The following EFTUD2 variants were observed in gnomAD, a reference collection of about 807,000 sequenced individuals.
EFTUD2 encodes the protein elongation factor Tu GTP binding domain containing 2.
In EFTUD2, 9 loss-of-function variants were observed where a neutral mutation model predicts 114.3. The observed-to-expected ratio is 0.08, with a 90% CI of 0.05 to 0.14. EFTUD2 has a LOEUF of 0.14. Ranked by LOEUF, EFTUD2 falls within the 10% of genes least tolerant of loss-of-function variation. The pLI is 1.00. For synonymous variants in EFTUD2, 449 were observed against 462.3 expected (o/e 0.97, Z 0.37); for missense variants, 765 against 1,241.2 (o/e 0.62, Z 5.76).
At chr17:44,876,216 C>T (rs771719110) in intron 9 of EFTUD2, 116 bp from the exon 10 acceptor site, 37 of 1,224,122 alleles carry the variant, frequency 3.0e-5, no homozygotes, top group Middle Eastern at 2.9e-4. Context: ...AAAAAGACCT[C>T]GGGAAATATT....
chr17:44,852,285 A>T, intron 26 of EFTUD2, 124 bp downstream of exon 26: 1 of 1,227,670 alleles, frequency 8.1e-7, no homozygotes, highest in Non-Finnish European at 1.1e-6. Context: ...TATGCTCCCC[A>T]GAGGAGGACT....
At chr17:44,867,688 A>G in intron 13 of EFTUD2, 119 bp downstream of exon 13, 1 of 747,720 alleles carries the variant, frequency 1.3e-6, no homozygotes, top group Non-Finnish European at 1.9e-6. Flanking sequence ...ACCAACAACC[A>G]CCCTTATACT....
rs776271665 is a variant in EFTUD2 at position 44,857,165 on chromosome 17, A to G, written c.1963-8T>C. On this transcript the variant is annotated splice_region_variant and splice_polypyrimidine_tract_variant and intron_variant, in intron 19 of 27. Coordinates refer to ENST00000426333, the MANE Select transcript of EFTUD2 (RefSeq NM_004247.4). ...GACAACTGGGTCAGCCACCTGGGAAACAGAAAATAAATTACTGAAGCGAGG... is the reference window on the plus strand; with the variant it reads ...GACAACTGGGTCAGCCACCTGGGAAGCAGAAAATAAATTACTGAAGCGAGG... The G allele has an allele frequency of 6.2e-7, 1 of 1,613,414 alleles. No individual in the cohort carries two copies. Among genetic ancestry groups the G allele is most frequent in the East Asian group, 2.2e-5 (1 of 44,856 alleles).
chr17:44,851,410 C>T (rs1019138899), intron 27 of EFTUD2, 41 bp from the exon 28 acceptor site: 21 of 1,524,958 alleles, frequency 1.4e-5, no homozygotes, highest in African/African-American at 4.1e-5. Flanking sequence ...CCGAGGTGGT[C>T]GCAGACTAAG....
rs1413422454 is a variant in EFTUD2, at chr17:44,893,224, G to A, written c.105+1193C>T. Among the ~76,000 whole-genome samples, 9 of 151,990 alleles carry A rather than the reference G, an allele frequency of 5.9e-5. No homozygotes were observed. In the East Asian group the frequency reaches 1.7e-3, roughly 30 times the overall value. On this transcript the variant is annotated intron_variant, in intron 2 of 27. Coordinates refer to ENST00000426333, the MANE Select transcript of EFTUD2 (RefSeq NM_004247.4). ...TGCAACCTCCGCCTCCCGTGTTCAA[G>A]TGATTTTCCTGCCTCGGCCTTCCAA...
chr17:44,891,036 C>A (rs913147421), intron 2 of EFTUD2, among the ~76,000 whole-genome samples: 16 of 152,168 alleles, frequency 1.1e-4, no homozygotes, highest in Admixed American at 5.9e-4. Flanking sequence ...GTCACCAGGG[C>A]AAACCGAGTA....
intron 9 of EFTUD2, among the ~76,000 whole-genome samples, chr17:44,877,174 C>A (rs528652299): frequency 8.6e-5 from 13 of 151,914 alleles, no homozygotes; most frequent in African/African-American, 2.9e-4. Context: ...CCAGCCTGGG[C>A]CAGAGGGCAA....
At chr17:44,852,850 C>A (rs1182381191) in intron 25 of EFTUD2, among the ~76,000 whole-genome samples, 2 of 151,658 alleles carry the variant, frequency 1.3e-5, no homozygotes, top group East Asian at 3.9e-4. Context: ...CTGCCTCCAA[C>A]AGCTCTGTGA....
intron 13 of EFTUD2, among the ~76,000 whole-genome samples, chr17:44,867,537 C>T (rs1240919350): frequency 6.6e-6 from 1 of 151,944 alleles, no homozygotes; most frequent in Non-Finnish European, 1.5e-5. Context: ...TGAGCTCAGG[C>T]AATCTGCCCA....
chr17:44,867,694 A>T, intron 13 of EFTUD2, 113 bp downstream of exon 13: 1 of 870,744 alleles, frequency 1.1e-6, no homozygotes. Context: ...AACCACCCTT[A>T]TACTTGACAT....
intron 2 of EFTUD2, 91 bp from the exon 3 acceptor site, chr17:44,886,841 ACATG>A (rs1218915673): frequency 6.6e-7 from 1 of 1,512,820 alleles, no homozygotes. Context: ...CACTGACTGT[ACATG>A]CTGGCCAGCT....
chr17:44,868,343 A>G lies in EFTUD2; in HGVS notation c.1002T>C (p.Ile334=), dbSNP rs1411196327. ...AKIYADTFGD[I]NYQEFAKRLW... ...GTCTTTTAGCAAATTCTTGGTAATT[A>G]ATGTCACCTATGGGAGAAGCCACAC... Residue 334 remains isoleucine (I), a synonymous_variant, in exon 12 of 28, where the codon ATT becomes ATC. Transcript: ENST00000426333. The G allele has an allele frequency of 1.9e-6, 3 of 1,614,022 alleles. No individual in the cohort carries two copies. Among genetic ancestry groups the G allele is most frequent in the Non-Finnish European group, 1.7e-6 (2 of 1,179,954 alleles).
chr17:44,883,059 T>C (rs1475840954), intron 6 of EFTUD2, 34 bp downstream of exon 6: 3 of 1,609,338 alleles, frequency 1.9e-6, no homozygotes, highest in South Asian at 1.1e-5. Context: ...TTCTGAATGG[T>C]TCATCCTAAA....
intron 14 of EFTUD2, 33 bp downstream of exon 14, chr17:44,864,897 G>C (rs1380115633): frequency 6.2e-7 from 1 of 1,605,370 alleles, no homozygotes; most frequent in South Asian, 1.1e-5. Flanking sequence ...GCACGAGGAT[G>C]ACAGAGTTAA....
chr17:44,855,971 A>AAT (rs1335591664), intron 20 of EFTUD2, among the ~76,000 whole-genome samples: 1 of 150,444 alleles, frequency 6.6e-6, no homozygotes, highest in Non-Finnish European at 1.5e-5. Flanking sequence ...AAAAAAAAAA[A>AAT]GAAAAACAAA....
At chr17:44,881,238 C>T (rs961233572) in intron 7 of EFTUD2, among the ~76,000 whole-genome samples, 6 of 151,866 alleles carry the variant, frequency 4.0e-5, no homozygotes, top group African/African-American at 7.3e-5. Context: ...GAGAAAGATC[C>T]GGAAGGAAAG....
intron 4 of EFTUD2, 188 bp from the exon 5 acceptor site, chr17:44,883,912 G>T: frequency 1.7e-6 from 1 of 604,200 alleles, no homozygotes. Context: ...TTATCCAAGA[G>T]GTAACACAAT....
rs2051104644 is a variant in EFTUD2, at chr17:44,883,213, C to T, written c.427-55G>A. 5 of 1,549,992 alleles carry T rather than the reference C, an allele frequency of 3.2e-6. No homozygotes were observed. In the South Asian group the frequency reaches 4.5e-5, roughly 14 times the overall value. On this transcript the variant is annotated intron_variant, in intron 5 of 27. Transcript: ENST00000426333. ...CGACCACAGAGGAAAATTTACTGTG[C>T]CCTTCCCCCAGCTCCCAATACACCA...
intron 2 of EFTUD2, among the ~76,000 whole-genome samples, chr17:44,887,190 T>A (rs547895660): frequency 6.6e-6 from 1 of 152,204 alleles, no homozygotes; most frequent in Admixed American, 6.5e-5. Flanking sequence ...CTGGCAAGGA[T>A]GTGGAGAAAC....
Sources: allele counts gnomAD v4.1 joint callset (sites outside exome capture counted in the v4.1 genomes callset), GRCh38; gene constraint gnomAD v4.1.1; transcripts MANE v1.5; gene names NCBI Gene and HGNC (gene_info 2026-07-23, HGNC 2026-07-21).